SUCLA2: variants seen among roughly 807,000 people sequenced by gnomAD.
SUCLA2 encodes succinate--CoA ligase [ADP-forming] subunit beta, mitochondrial.
A neutral mutation model predicts 54.8 loss-of-function variants in SUCLA2; 30 were observed. That is an observed-to-expected ratio of 0.55 (90% CI 0.41 to 0.74). SUCLA2 has a LOEUF of 0.74. Ranked by LOEUF, SUCLA2 falls within the 30% of genes least tolerant of loss-of-function variation. SUCLA2 has a pLI of 0.00. For missense variants in SUCLA2, 476 were observed against 562.9 expected (o/e 0.85, Z 1.56); for synonymous variants, 172 against 188.9 (o/e 0.91, Z 0.74).
intron 10 of SUCLA2, among the ~76,000 whole-genome samples, chr13:47,945,303 G>A (rs1275766739): frequency 6.9e-6 from 1 of 145,512 alleles, no homozygotes; most frequent in Non-Finnish European, 1.5e-5. Context: ...CACACCTGTA[G>A]TCTCAGCTAC....
At chr13:47,970,350 GC>G (rs1318924319) in intron 5 of SUCLA2, among the ~76,000 whole-genome samples, 6 of 152,106 alleles carry the variant, frequency 3.9e-5, no homozygotes, top group Non-Finnish European at 8.8e-5. Context: ...TCACCATCAT[GC>G]AAAATGCTAT....
At chr13:47,972,972 G>A (rs1338767156) in intron 5 of SUCLA2, among the ~76,000 whole-genome samples, 2 of 151,620 alleles carry the variant, frequency 1.3e-5, no homozygotes, top group South Asian at 2.1e-4. Flanking sequence ...GGCTGGTCTC[G>A]AACTCCTGAC....
intron 1 of SUCLA2, among the ~76,000 whole-genome samples, chr13:48,000,337 C>T (rs1950220638): frequency 6.6e-6 from 1 of 152,196 alleles, no homozygotes; most frequent in Admixed American, 6.5e-5. Context: ...AAGTACACGG[C>T]TTTAGAACCA....
chr13:47,994,749 C>T, intron 2 of SUCLA2: 1 of 809,086 alleles, frequency 1.2e-6, no homozygotes. Flanking sequence ...AACACACTTT[C>T]TAAATGAACA....
At chr13:47,964,595 A>C (rs9567965) in intron 6 of SUCLA2, among the ~76,000 whole-genome samples, 19,228 of 152,162 alleles carry the variant, frequency 0.13, 1,554 homozygotes, top group East Asian at 0.23. Flanking sequence ...TGGTGGCTCA[A>C]GCCTGTAATC....
intron 4 of SUCLA2, among the ~76,000 whole-genome samples, chr13:47,979,671 A>T (rs1366144616): frequency 1.3e-5 from 2 of 152,216 alleles, no homozygotes; most frequent in Non-Finnish European, 2.9e-5. Flanking sequence ...TACAGCCAAC[A>T]TCATACACAA....
chr13:47,949,484 T>C lies in SUCLA2; in HGVS notation c.1227A>G (p.Gln409=), dbSNP rs1223638181. 2.7e-5 allele frequency: 43 copies of C among 1,613,382 alleles called. No individual in the cohort carries two copies. The highest frequency in any genetic ancestry group is 3.5e-5 in the Non-Finnish European group (41 of 1,179,590). ...CTGCAAGATACCTTTTATACTCACCTTGTAACCGTACCACAACAGGTATTT... is the reference window on the plus strand; with the variant it reads ...CTGCAAGATACCTTTTATACTCACCCTGTAACCGTACCACAACAGGTATTT... ...EIKIPVVVRL[Q]GTRVDDAKAL... Residue 409 remains glutamine (Q), a splice_region_variant and synonymous_variant, in exon 9 of 11, where the codon CAA becomes CAG. Coordinates refer to ENST00000646932, the MANE Select transcript of SUCLA2 (RefSeq NM_003850.3).
chr13:47,960,656 G>C (rs1389784463), intron 6 of SUCLA2, among the ~76,000 whole-genome samples: 1 of 151,902 alleles, frequency 6.6e-6, no homozygotes, highest in African/African-American at 2.4e-5. Flanking sequence ...TAATTTAGTT[G>C]TGTGGACCAT....
intron 6 of SUCLA2, 101 bp downstream of exon 6, chr13:47,968,494 G>C: frequency 7.3e-7 from 1 of 1,361,902 alleles, no homozygotes; most frequent in South Asian, 1.2e-5. Context: ...TTCTACATAG[G>C]TAGAAGTTTA....
rs1487900166 is a variant in SUCLA2 at position 47,978,985 on chromosome 13, G to A, written c.535-5593C>T. ...ATGTGATAGCATCTCATGCCAGTTA[G>A]AATGGTGATCATTAAAAAGTCAGGA... On this transcript the variant is annotated intron_variant, in intron 4 of 10. Coordinates refer to ENST00000646932, the MANE Select transcript of SUCLA2 (RefSeq NM_003850.3). Among the ~76,000 whole-genome samples, 3 of 152,216 alleles carry A rather than the reference G, an allele frequency of 2.0e-5. 1 individual carries two copies. The highest frequency in any genetic ancestry group is 7.2e-5 in the African/African-American group (3 of 41,448).
intron 10 of SUCLA2, among the ~76,000 whole-genome samples, chr13:47,948,646 C>T (rs1177298910): frequency 1.3e-5 from 2 of 152,030 alleles, no homozygotes; most frequent in African/African-American, 4.8e-5. Flanking sequence ...CTGCCCCGAC[C>T]CTCTTCCTTG....
intron 4 of SUCLA2, among the ~76,000 whole-genome samples, chr13:47,974,865 T>C (rs887072459): frequency 6.6e-6 from 1 of 152,160 alleles, no homozygotes; most frequent in Non-Finnish European, 1.5e-5. Flanking sequence ...CTGTAGTGGG[T>C]AATGTAGTGT....
rs1301370115 is a variant in SUCLA2, at chr13:47,954,562, G to A, written c.803-5C>T. On this transcript the variant is annotated splice_polypyrimidine_tract_variant and splice_region_variant and intron_variant, in intron 6 of 10. Coordinates refer to ENST00000646932, the MANE Select transcript of SUCLA2 (RefSeq NM_003850.3). ...TCTTTGCATCCATACACAATACTTT[G>A]AAGGGAAAAAGAGAAAAATGACCTT... 2.5e-6 allele frequency: 4 copies of A among 1,612,708 alleles called. No individual in the cohort carries two copies. Among genetic ancestry groups the A allele is most frequent in the Non-Finnish European group, 3.4e-6 (4 of 1,179,194 alleles).
At chr13:47,968,308 C>A (rs963050795) in intron 6 of SUCLA2, among the ~76,000 whole-genome samples, 1 of 152,198 alleles carries the variant, frequency 6.6e-6, no homozygotes, top group African/African-American at 2.4e-5. Context: ...ATTTTAATAA[C>A]TACGTGTGGC....
chr13:47,954,269 A>C lies in SUCLA2; in HGVS notation c.978T>G (p.Gly326=). 6.2e-7 allele frequency: 1 copy of C among 1,613,878 alleles called. No individual in the cohort carries two copies. The highest frequency in any genetic ancestry group is 8.5e-7 in the Non-Finnish European group (1 of 1,179,806). The change falls in exon 8 of 11, where the codon GGT becomes GGG. Residue 326 remains glycine, a synonymous_variant. Transcript: ENST00000646932. The stretch of plus-strand genomic sequence containing the variant: ...TTATATCCATTGTGGCCATAGCCAA[A>C]CCAGCACCATTTACTATATAGGGGA... The part of the protein sequence containing the change: ...GNIGCLVNGA[G]LAMATMDIIK...
At chr13:47,963,353 C>T (rs982495201) in intron 6 of SUCLA2, among the ~76,000 whole-genome samples, 20 of 152,160 alleles carry the variant, frequency 1.3e-4, no homozygotes, top group African/African-American at 4.8e-4. Flanking sequence ...TTTAAAAACA[C>T]AGATAGAAGG....
intron 4 of SUCLA2, among the ~76,000 whole-genome samples, chr13:47,982,116 GA>G (rs1481004434): frequency 6.6e-6 from 1 of 152,164 alleles, no homozygotes; most frequent in African/African-American, 2.4e-5. Flanking sequence ...CAAAAGAAAT[GA>G]AAACAGGATC....
intron 10 of SUCLA2, among the ~76,000 whole-genome samples, chr13:47,943,766 G>GTATATA (rs1555255588): frequency 3.8e-4 from 53 of 139,662 alleles, no homozygotes; most frequent in South Asian, 1.2e-3. Context: ...GTGTGTGTGT[G>GTATATA]TATATATATA....
At chr13:47,948,358 T>C (rs1349403099) in intron 10 of SUCLA2, among the ~76,000 whole-genome samples, 1 of 151,960 alleles carries the variant, frequency 6.6e-6, no homozygotes, top group Non-Finnish European at 1.5e-5. Flanking sequence ...TACATACATA[T>C]GCGTGCATGT....
Sources: gnomAD v4.1 joint callset for allele counts (sites outside exome capture counted in the v4.1 genomes callset) on GRCh38, gnomAD v4.1.1 for gene constraint, MANE v1.5 for transcripts, NCBI Gene and HGNC (gene_info 2026-07-23, HGNC 2026-07-21) for gene names.